Variants in SMARCA4 observed in about 807,000 individuals in gnomAD.
SMARCA4 encodes SWI/SNF-related matrix-associated actin-dependent regulator of chromatin subfamily A member 4.
A neutral mutation model predicts 193.9 loss-of-function variants in SMARCA4; 31 were observed. The ratio of observed to expected loss-of-function variants is 0.16; its 90% CI spans 0.12 to 0.22. SMARCA4 has a LOEUF of 0.22. SMARCA4 is among the 10% of genes least tolerant of loss of function. The pLI, the probability that SMARCA4 is intolerant of heterozygous loss-of-function variation, is 1.00. For missense variants in SMARCA4, 1,148 were observed against 2,296.0 expected, an observed-to-expected ratio of 0.50 and a Z score of 10.22; for synonymous variants, 942 against 933.1, an observed-to-expected ratio of 1.01 and a Z score of -0.17.
intron 1 of SMARCA4, among the ~76,000 whole-genome samples, chr19:10,982,680 A>AT (rs2085653847): frequency 1.3e-5 from 2 of 150,798 alleles, no homozygotes; most frequent in Non-Finnish European, 1.5e-5. Context: ...TTTTTTTTGT[A>AT]TTTTTAGTAG....
intron 24 of SMARCA4, among the ~76,000 whole-genome samples, chr19:11,028,795 G>A (rs1298094031): frequency 6.6e-6 from 1 of 152,202 alleles, no homozygotes; most frequent in East Asian, 1.9e-4. Context: ...TGAGTTCTTC[G>A]TGGGAGTTAC....
At chr19:10,979,347 A>G (rs1568409577) in intron 1 of SMARCA4, among the ~76,000 whole-genome samples, 1 of 151,658 alleles carries the variant, frequency 6.6e-6, no homozygotes, top group African/African-American at 2.4e-5. Flanking sequence ...ATGTCTATGA[A>G]AATGAGAATG....
chr19:11,010,347 G>C (rs2146231346), intron 14 of SMARCA4, 34 bp from the exon 15 acceptor site: 2 of 1,612,110 alleles, frequency 1.2e-6, no homozygotes, highest in Non-Finnish European at 1.7e-6. Context: ...ATAGGAATGT[G>C]TGTCCTTACC....
rs574844383 is a variant in SMARCA4 at position 11,021,871 on chromosome 19, C to T, written c.2763C>T (p.Leu921=). Residue 921 remains leucine, a synonymous_variant, in exon 19 of 35, where the codon CTC becomes CTT. Transcript: ENST00000344626. ...GTPLQNKLPE[L]WALLNFLLPT... is the part of the protein sequence containing the mutation. ...CGCTGCAGAACAAGCTTCCCGAGCT[C>T]TGGGCGCTGCTCAACTTCCTGCTGC... 202 of 1,613,844 alleles carry T rather than the reference C, an allele frequency of 1.3e-4. 3 individuals are homozygous for T. In the South Asian group the frequency reaches 1.3e-3, roughly 10 times the overall value.
intron 14 of SMARCA4, among the ~76,000 whole-genome samples, chr19:11,008,613 T>TA (rs2088480991): frequency 6.6e-6 from 1 of 152,228 alleles, no homozygotes; most frequent in Non-Finnish European, 1.5e-5. Context: ...TTTGCTCCTG[T>TA]AACACATCAC....
chr19:10,994,763 C>A (rs564750568), intron 8 of SMARCA4, 65 bp from the exon 9 acceptor site: 1 of 1,443,990 alleles, frequency 6.9e-7, no homozygotes, highest in Admixed American at 1.7e-5. Context: ...TTAAACAAGC[C>A]TTGCGGGGAG....
chr19:11,044,549 G>A lies in SMARCA4; in HGVS notation c.4424+2989G>A, dbSNP rs138031292. 2.0e-3 allele frequency among the ~76,000 whole-genome samples: 306 copies of A among 152,222 alleles called. 3 individuals carry two copies. The highest frequency in any genetic ancestry group is 6.7e-3 in the African/African-American group (279 of 41,530). Reference sequence around the variant, plus strand: ...GAAAGGTGCTCACGTCATTGCATTAGCATCACAACTTCAAGAAAATGCTCG... The same window carrying A: ...GAAAGGTGCTCACGTCATTGCATTAACATCACAACTTCAAGAAAATGCTCG... On this transcript the variant is annotated intron_variant, in intron 30 of 34. Coordinates refer to ENST00000344626, the MANE Select transcript of SMARCA4 (RefSeq NM_003072.5).
intron 1 of SMARCA4, among the ~76,000 whole-genome samples, chr19:10,970,094 TTA>T (rs1854061258): frequency 6.6e-6 from 1 of 152,098 alleles, no homozygotes; most frequent in Non-Finnish European, 1.5e-5. Flanking sequence ...ACAGCTGAGT[TTA>T]TGCTTATGAG....
At chr19:10,967,164 A>C (rs1040877753) in intron 1 of SMARCA4, among the ~76,000 whole-genome samples, 1 of 151,722 alleles carries the variant, frequency 6.6e-6, no homozygotes, top group African/African-American at 2.4e-5. Context: ...TGTGGCCTCA[A>C]CTCTTCTTCA....
intron 29 of SMARCA4, among the ~76,000 whole-genome samples, chr19:11,036,492 C>CA (rs1420817074): frequency 1.1e-4 from 17 of 152,212 alleles, no homozygotes; most frequent in African/African-American, 4.1e-4. Flanking sequence ...CTCCTGGGCT[C>CA]AAACAATCCA....
chr19:11,026,495 ATC>A, intron 23 of SMARCA4, 149 bp downstream of exon 23: 2 of 587,760 alleles, frequency 3.4e-6, no homozygotes, highest in South Asian at 2.1e-5. Flanking sequence ...AATAATACAA[ATC>A]TTTTTTTTTT....
At chr19:11,023,675 TG>T (rs1458759458) in intron 20 of SMARCA4, 44 bp downstream of exon 20, 28 of 1,230,058 alleles carry the variant, frequency 2.3e-5, no homozygotes, top group Non-Finnish European at 3.1e-5. Flanking sequence ...CAGCCTCACG[TG>T]GGGGCTTTCT....
chr19:11,047,021 A>G (rs1202477123), intron 30 of SMARCA4, among the ~76,000 whole-genome samples: 1 of 151,610 alleles, frequency 6.6e-6, no homozygotes, highest in African/African-American at 2.4e-5. Flanking sequence ...ATGTTTGGGT[A>G]CAAAATTGGT....
intron 30 of SMARCA4, among the ~76,000 whole-genome samples, chr19:11,044,698 C>A (rs1568534045): frequency 6.6e-6 from 1 of 152,228 alleles, no homozygotes; most frequent in Non-Finnish European, 1.5e-5. Context: ...CTTTGGCAAT[C>A]TCTTCTGTTT....
At chr19:11,032,861 C>T (rs2075021344) in intron 25 of SMARCA4, among the ~76,000 whole-genome samples, 1 of 152,182 alleles carries the variant, frequency 6.6e-6, no homozygotes, top group Non-Finnish European at 1.5e-5. Flanking sequence ...TCTGTGTGCA[C>T]TGTGAGAGTG....
Position 11,002,683 on chromosome 19 carries a change from T to G in SMARCA4, c.1813-346T>G, listed in dbSNP as rs556152488. Reference sequence around the variant, plus strand: ...ATGCCAGTTACCTTAAAGAAACAGGTGTTGGGAGACTGAGGCAGAGAATTG... The same window carrying G: ...ATGCCAGTTACCTTAAAGAAACAGGGGTTGGGAGACTGAGGCAGAGAATTG... On this transcript the variant is annotated intron_variant, in intron 11 of 34. Transcript: ENST00000344626. Among the ~76,000 whole-genome samples the G allele has an allele frequency of 1.1e-4, 16 of 149,204 alleles. No homozygotes were observed. The South Asian group carries it at 1.7e-3, about 16-fold the overall frequency.
Position 11,034,055 on chromosome 19 carries a change from GCCTCTGAGCTCGGCCGCCGCCCA to G in SMARCA4, c.3874-65_3874-43del, listed in dbSNP as rs1782699659. 1.6e-6 allele frequency: 2 copies of G among 1,239,750 alleles called. No homozygotes were observed. The highest frequency in any genetic ancestry group is 1.7e-5 in the Admixed American group (1 of 59,578). The allele number at this position is 1,239,750 out of a possible 1,614,324, so 76.8% of individuals were successfully genotyped here. On this transcript the variant is annotated intron_variant, in intron 27 of 34. Coordinates refer to ENST00000344626, the MANE Select transcript of SMARCA4 (RefSeq NM_003072.5). The surrounding 1 kb of genome is among the most constrained non-coding windows in gnomAD (Gnocchi z 7.0). ...CTCATTCCCACGGACGCCGCCGCTCGCCTCTGAGCTCGGCCGCCGCCCACCCCGGCCCCTCCTCAGCGGCACTG... is the reference window on the plus strand; with the variant it reads ...CTCATTCCCACGGACGCCGCCGCTCGCCCCGGCCCCTCCTCAGCGGCACTG...
intron 30 of SMARCA4, among the ~76,000 whole-genome samples, chr19:11,052,296 T>G (rs2076304881): frequency 6.6e-6 from 1 of 152,102 alleles, no homozygotes; most frequent in South Asian, 2.1e-4. Flanking sequence ...AGGTGTGATA[T>G]CCACCTGTAG....
intron 14 of SMARCA4, chr19:11,008,365 G>C: frequency 2.8e-6 from 1 of 360,102 alleles, no homozygotes; most frequent in South Asian, 2.1e-5. Flanking sequence ...CAGAGATGCT[G>C]TCTGCATTAG....
Sources: allele counts gnomAD v4.1 joint callset (sites outside exome capture counted in the v4.1 genomes callset), GRCh38; gene constraint gnomAD v4.1.1; non-coding constraint Gnocchi (gnomAD v3.1); transcripts MANE v1.5; gene names NCBI Gene and HGNC (gene_info 2026-07-23, HGNC 2026-07-21).